FGGY: variants seen among roughly 807,000 people sequenced by gnomAD.
FGGY encodes the protein FGGY carbohydrate kinase domain-containing protein.
FGGY carries 72 observed loss-of-function variants against 71.3 expected under a neutral mutation model. That is an observed-to-expected ratio of 1.01 (90% CI 0.84 to 1.23). FGGY has a LOEUF of 1.23. Among genes scored for constraint, FGGY ranks in the 50% most tolerant of loss-of-function variants. The pLI is 0.00. For synonymous variants in FGGY, 251 were observed against 250.3 expected, an observed-to-expected ratio of 1.00 and a Z score of -0.02; for missense variants, 668 against 682.3, an observed-to-expected ratio of 0.98 and a Z score of 0.23.
At chr1:59,674,183 A>G in intron 14 of FGGY, 50 bp downstream of exon 14, 1 of 1,420,146 alleles carries the variant, frequency 7.0e-7, no homozygotes, top group Non-Finnish European at 9.9e-7. Context: ...GTCTGAGGCC[A>G]TCCTTCCTCT....
intron 10 of FGGY, among the ~76,000 whole-genome samples, chr1:59,627,103 C>A (rs533538453): frequency 2.7e-5 from 4 of 150,898 alleles, no homozygotes; most frequent in African/African-American, 9.7e-5. Flanking sequence ...TTGGCATGGG[C>A]AAAATGAAAT....
chr1:59,508,832 G>T (rs1371589145), intron 6 of FGGY, among the ~76,000 whole-genome samples: 1 of 152,202 alleles, frequency 6.6e-6, no homozygotes, highest in Non-Finnish European at 1.5e-5. Context: ...TGTAGGTTGG[G>T]TTTTCCAGAA....
chr1:59,358,757 A>G (rs553392190), intron 4 of FGGY, among the ~76,000 whole-genome samples: 1 of 152,340 alleles, frequency 6.6e-6, no homozygotes, highest in East Asian at 1.9e-4. Context: ...GTTTTAGTTA[A>G]GATATTGACT....
chr1:59,701,282 C>A (rs1006377172), intron 14 of FGGY, among the ~76,000 whole-genome samples: 23 of 152,170 alleles, frequency 1.5e-4, no homozygotes, highest in African/African-American at 5.3e-4. Context: ...CCTCAGTGCT[C>A]CACAGCACGG....
chr1:59,475,198 A>G (rs1258760096), intron 6 of FGGY, among the ~76,000 whole-genome samples: 4 of 152,204 alleles, frequency 2.6e-5, no homozygotes, highest in Non-Finnish European at 5.9e-5. Context: ...CCAAGATACA[A>G]TAAGATTAAT....
intron 8 of FGGY, among the ~76,000 whole-genome samples, chr1:59,556,123 G>T (rs1258837245): frequency 6.6e-6 from 1 of 152,228 alleles, no homozygotes; most frequent in Admixed American, 6.5e-5. Context: ...GAAGGCACCA[G>T]CCCAGGAGCC....
chr1:59,756,969 G>A (rs1047843271), intron 14 of FGGY, among the ~76,000 whole-genome samples: 7 of 148,832 alleles, frequency 4.7e-5, no homozygotes, highest in South Asian at 2.1e-4. Context: ...AGAGTATGTC[G>A]TATGCAAATC....
rs546313605 is a variant in FGGY at position 59,319,482 on chromosome 1, C to A, written c.-14-2054C>A. On this transcript the variant is annotated intron_variant, in intron 1 of 15. Coordinates refer to ENST00000303721, the MANE Select transcript of FGGY (RefSeq NM_018291.5). ...CAGAGTGGTAAGTTTTAAAAGAAAG[C>A]AGGGAGAAGATACCATGTTGGCATC... 3.3e-5 allele frequency among the ~76,000 whole-genome samples: 5 copies of A among 152,088 alleles called. No homozygotes were observed. In the South Asian group the frequency reaches 1.0e-3, roughly 32 times the overall value.
chr1:59,593,584 AT>A (rs1196220094), intron 8 of FGGY, among the ~76,000 whole-genome samples: 2 of 152,218 alleles, frequency 1.3e-5, no homozygotes, highest in African/African-American at 4.8e-5. Context: ...CATCACACAT[AT>A]GCCAATCCAG....
In FGGY at chr1:59,721,337, G is replaced by T. The variant is rs146976724; in HGVS notation, c.1513-36594G>T. On this transcript the variant is annotated intron_variant, in intron 14 of 15. Transcript: ENST00000303721. ...AGAGAGTTTTTCTTTTCTTTCCTTTGTTTTTTTTTTTTTTTTTTTGAGACG... is the reference window on the plus strand; with the variant it reads ...AGAGAGTTTTTCTTTTCTTTCCTTTTTTTTTTTTTTTTTTTTTTTGAGACG... Among the ~76,000 whole-genome samples, 512 of 105,228 alleles carry T rather than the reference G, an allele frequency of 4.9e-3. 1 individual carries two copies. Among genetic ancestry groups the T allele is most frequent in the African/African-American group, 6.4e-3 (154 of 23,974 alleles). 69.0% of individuals were successfully genotyped at this position (105,228 alleles called of 152,430 possible).
At chr1:59,563,542 G>A (rs372352107) in intron 8 of FGGY, among the ~76,000 whole-genome samples, 1 of 152,058 alleles carries the variant, frequency 6.6e-6, no homozygotes, top group South Asian at 2.1e-4. Context: ...AATAAGAGAG[G>A]ACACAAACAA....
chr1:59,624,666 C>T (rs1055348374), intron 9 of FGGY, among the ~76,000 whole-genome samples: 5 of 152,038 alleles, frequency 3.3e-5, no homozygotes, highest in South Asian at 4.1e-4. Flanking sequence ...TCTAACATGG[C>T]GGCAGGCAAG....
intron 6 of FGGY, among the ~76,000 whole-genome samples, chr1:59,499,299 G>GTTTGTTTTTTTTTT (rs774954925): frequency 9.5e-6 from 1 of 105,804 alleles, no homozygotes; most frequent in African/African-American, 3.9e-5. Context: ...TACTATGTTT[G>GTTTGTTTTTTTTTT]TTTTTTTTTT....
Position 59,372,812 on chromosome 1 carries a change from A to G in FGGY, c.466-5937A>G, listed in dbSNP as rs947643537. On this transcript the variant is annotated intron_variant, in intron 4 of 15. Transcript: ENST00000303721. ...AAACAGAACCAAAGACAAAAACCAC[A>G]TGATTATCTCAATAGATGCAGAAAA... is the stretch of plus-strand genomic sequence containing the variant. 1.3e-3 allele frequency among the ~76,000 whole-genome samples: 204 copies of G among 152,266 alleles called. 1 individual carries two copies. Among genetic ancestry groups the G allele is most frequent in the Non-Finnish European group, 1.5e-4 (10 of 68,034 alleles).
intron 8 of FGGY, among the ~76,000 whole-genome samples, chr1:59,557,063 T>G (rs1301944983): frequency 6.6e-6 from 1 of 152,090 alleles, no homozygotes; most frequent in Non-Finnish European, 1.5e-5. Flanking sequence ...CATGGGAAAG[T>G]GCCTTTGATC....
At chr1:59,327,362 A>G (rs2047633067) in intron 2 of FGGY, among the ~76,000 whole-genome samples, 1 of 152,208 alleles carries the variant, frequency 6.6e-6, no homozygotes, top group Non-Finnish European at 1.5e-5. Context: ...CATCTCAAGA[A>G]ATCATTTCCT....
chr1:59,530,949 GA>G (rs2153663606), intron 7 of FGGY, among the ~76,000 whole-genome samples: 1 of 152,308 alleles, frequency 6.6e-6, no homozygotes, highest in Non-Finnish European at 1.5e-5. Flanking sequence ...AAGAGACCTT[GA>G]AGGCCAGAAC....
At position 59,302,648 on chromosome 1, in the gene FGGY, G is replaced by A. The variant is rs577439886; in HGVS notation, c.-15+5498G>A. Among the ~76,000 whole-genome samples the A allele has an allele frequency of 1.6e-4, 25 of 152,082 alleles. 2 individuals are homozygous for A. The Middle Eastern group carries it at 0.01, about 62-fold the overall frequency. ...AATGGACACAAAGAGGGGAACAACA[G>A]ACACTGAGATCTACTTGAGGGTTAG... On this transcript the variant is annotated intron_variant, in intron 1 of 15. Transcript: ENST00000303721.
chr1:59,632,705 G>C (rs2096919174), intron 10 of FGGY, among the ~76,000 whole-genome samples: 1 of 152,098 alleles, frequency 6.6e-6, no homozygotes, highest in Non-Finnish European at 1.5e-5. Flanking sequence ...GAGGATTATT[G>C]GGAGCTCTCA....
Sources: allele counts gnomAD v4.1 joint callset (sites outside exome capture counted in the v4.1 genomes callset), GRCh38; gene constraint gnomAD v4.1.1; transcripts MANE v1.5; gene names NCBI Gene and HGNC (gene_info 2026-07-23, HGNC 2026-07-21).